The following STK39 variants were observed in gnomAD, a reference collection of about 807,000 sequenced individuals.
STK39 encodes serine/threonine kinase 39.
STK39 carries 20 observed loss-of-function variants against 77.8 expected under a neutral mutation model. The ratio of observed to expected loss-of-function variants is 0.26; its 90% CI spans 0.18 to 0.37. STK39 has a LOEUF of 0.37. STK39 is among the 10% of genes least tolerant of loss of function. The pLI is 1.00. For synonymous variants in STK39, 246 were observed against 234.1 expected (o/e 1.05, Z -0.47); for missense variants, 479 against 656.5 (o/e 0.73, Z 2.95).
In STK39 at chr2:168,247,452, GC is replaced by G; in HGVS notation, c.-18del. 7.6e-7 allele frequency: 1 copy of G among 1,313,138 alleles called. No individual in the cohort carries two copies. The highest frequency in any genetic ancestry group is 9.8e-7 in the Non-Finnish European group (1 of 1,017,914). 81.3% of individuals were successfully genotyped at this position (1,313,138 alleles called of 1,614,324 possible). ...CTCCGCCATGATGCTGCGGAGGAGA[GC>G]AGGAGGACGCGCCGGCCGACGGACG... On this transcript the variant is annotated 5_prime_UTR_variant, in exon 1 of 18. Coordinates refer to ENST00000355999, the MANE Select transcript of STK39 (RefSeq NM_013233.3).
At chr2:168,243,230 A>G (rs776551376) in intron 1 of STK39, among the ~76,000 whole-genome samples, 10 of 152,340 alleles carry the variant, frequency 6.6e-5, no homozygotes, top group South Asian at 4.1e-4. Context: ...AAATCCACAG[A>G]AACTCTGAGA....
At chr2:168,238,246 T>C (rs993636418) in intron 1 of STK39, among the ~76,000 whole-genome samples, 4 of 152,188 alleles carry the variant, frequency 2.6e-5, no homozygotes, top group African/African-American at 9.7e-5. Flanking sequence ...TGAATGAAGA[T>C]CTATCATTCA....
At chr2:168,237,156 T>C (rs1483061567) in intron 1 of STK39, among the ~76,000 whole-genome samples, 1 of 152,236 alleles carries the variant, frequency 6.6e-6, no homozygotes, top group Non-Finnish European at 1.5e-5. Context: ...GAAGAGGTCC[T>C]TCACATCCCT....
At chr2:168,114,543 T>C (rs188389498) in intron 10 of STK39, among the ~76,000 whole-genome samples, 1 of 152,278 alleles carries the variant, frequency 6.6e-6, no homozygotes, top group East Asian at 1.9e-4. Context: ...AGAGAAGCCA[T>C]GTGATTACAT....
chr2:168,071,148 A>G (rs1434723766), intron 12 of STK39, among the ~76,000 whole-genome samples: 2 of 152,210 alleles, frequency 1.3e-5, no homozygotes, highest in African/African-American at 4.8e-5. Flanking sequence ...CTGTCTAAAC[A>G]TGGTACTAAC....
intron 16 of STK39, 23 bp downstream of exon 16, chr2:168,012,611 G>T: frequency 6.2e-7 from 1 of 1,605,652 alleles, no homozygotes; most frequent in African/African-American, 1.3e-5. Flanking sequence ...CAAAATGACA[G>T]TGCATACTAA....
chr2:168,203,586 G>C (rs566783544), intron 1 of STK39, among the ~76,000 whole-genome samples: 1 of 152,292 alleles, frequency 6.6e-6, no homozygotes, highest in East Asian at 1.9e-4. Flanking sequence ...TGTCACCAGC[G>C]TCAGAGATGA....
At chr2:168,041,597 A>T (rs1559069660) in intron 14 of STK39, among the ~76,000 whole-genome samples, 2 of 152,166 alleles carry the variant, frequency 1.3e-5, no homozygotes, top group African/African-American at 4.8e-5. Context: ...GCTGCTAGTT[A>T]CTCATCTGAT....
chr2:168,089,938 C>T (rs2105431359), intron 10 of STK39, among the ~76,000 whole-genome samples: 1 of 152,290 alleles, frequency 6.6e-6, no homozygotes, highest in East Asian at 1.9e-4. Flanking sequence ...GGAATGAAGA[C>T]TCACTGTTAT....
chr2:168,243,180 A>G (rs529936609), intron 1 of STK39, among the ~76,000 whole-genome samples: 2 of 152,338 alleles, frequency 1.3e-5, no homozygotes, highest in East Asian at 3.9e-4. Flanking sequence ...AACTGCCTCT[A>G]GGATATCTAT....
intron 1 of STK39, among the ~76,000 whole-genome samples, chr2:168,228,564 G>A (rs1690365992): frequency 6.6e-6 from 1 of 152,150 alleles, no homozygotes; most frequent in Non-Finnish European, 1.5e-5. Flanking sequence ...GCTGAGGCAG[G>A]TAGATCACCT....
At chr2:168,113,396 T>C (rs965331743) in intron 10 of STK39, among the ~76,000 whole-genome samples, 5 of 152,100 alleles carry the variant, frequency 3.3e-5, no homozygotes, top group Non-Finnish European at 5.9e-5. Context: ...TTTCACACAG[T>C]GTAACACAGC....
intron 1 of STK39, among the ~76,000 whole-genome samples, chr2:168,221,892 A>G (rs1010361800): frequency 1.3e-5 from 2 of 152,154 alleles, no homozygotes; most frequent in Admixed American, 6.5e-5. Flanking sequence ...ACCTTCAGCC[A>G]GCTCACAGTT....
chr2:168,061,228 T>C (rs1219811513), intron 14 of STK39, among the ~76,000 whole-genome samples: 1 of 147,292 alleles, frequency 6.8e-6, no homozygotes, highest in African/African-American at 2.5e-5. Context: ...AGGAGAAATA[T>C]AGAGTGTGGA....
At chr2:168,057,546 G>GCACA (rs145584255) in intron 14 of STK39, among the ~76,000 whole-genome samples, 1 of 151,476 alleles carries the variant, frequency 6.6e-6, no homozygotes, top group African/African-American at 2.4e-5. Context: ...ACACGCACGT[G>GCACA]CACACACACA....
rs772578938 is a variant in STK39 at position 168,046,633 on chromosome 2, C to G, written c.1376+16867G>C. ...TCTTCAGAGAGTCCCACAAGGGTCA[C>G]TACTGAAGAGCTGGCCTTTGGACAC... On this transcript the variant is annotated intron_variant, in intron 14 of 17. Transcript: ENST00000355999. 5.9e-4 allele frequency among the ~76,000 whole-genome samples: 90 copies of G among 152,310 alleles called. 1 individual carries two copies. Among genetic ancestry groups the G allele is most frequent in the Non-Finnish European group, 1.0e-3 (68 of 68,022 alleles).
intron 16 of STK39, among the ~76,000 whole-genome samples, chr2:167,995,763 T>C (rs1683823315): frequency 6.6e-6 from 1 of 152,198 alleles, no homozygotes; most frequent in African/African-American, 2.4e-5. Flanking sequence ...ATAAAGCCCT[T>C]CCAAGCAGTA....
In STK39 at chr2:168,138,183, C is replaced by A; in HGVS notation, c.879G>T (p.Leu293Phe). 1.2e-6 allele frequency: 2 copies of A among 1,613,676 alleles called. No individual in the cohort carries two copies. Among genetic ancestry groups the A allele is most frequent in the Non-Finnish European group, 1.7e-6 (2 of 1,179,812 alleles). The change falls in exon 8 of 18, where the codon TTG becomes TTT. Residue 293 changes from leucine (L) to phenylalanine (F), a missense_variant. By Grantham distance (22) the Leu-to-Phe change is conservative. Coordinates refer to ENST00000355999, the MANE Select transcript of STK39 (RefSeq NM_013233.3). ...TTTCTTTATCCTCTACCCCTGTTTCCAAAGTGGGTGGATCATTTTGCAAAG... is the reference window on the plus strand; with the variant it reads ...TTTCTTTATCCTCTACCCCTGTTTCAAAAGTGGGTGGATCATTTTGCAAAG... ...MLTLQNDPPT[L>F]ETGVEDKEMM...
intron 16 of STK39, among the ~76,000 whole-genome samples, chr2:167,975,836 C>T (rs920177065): frequency 4.6e-5 from 7 of 152,160 alleles, no homozygotes; most frequent in East Asian, 1.9e-4. Context: ...CGCAGAAAGC[C>T]GGCTTAGCCA....
Sources: gnomAD v4.1 joint callset for allele counts (sites outside exome capture counted in the v4.1 genomes callset) on GRCh38, gnomAD v4.1.1 for gene constraint, MANE v1.5 for transcripts, NCBI Gene and HGNC (gene_info 2026-07-23, HGNC 2026-07-21) for gene names.